ARHGAP24: variants seen among roughly 807,000 people sequenced by gnomAD.
ARHGAP24 encodes the protein Rho GTPase activating protein 24.
In ARHGAP24, 50 loss-of-function variants were observed where a neutral mutation model predicts 76.4. The ratio of observed to expected loss-of-function variants is 0.65; its 90% CI spans 0.52 to 0.83. ARHGAP24 has a LOEUF of 0.83. Among genes scored for constraint, ARHGAP24 ranks in the 40% least tolerant of loss-of-function variants. The pLI is 0.00. For synonymous variants in ARHGAP24, 345 were observed against 323.3 expected, an observed-to-expected ratio of 1.07 and a Z score of -0.72; for missense variants, 930 against 914.2, an observed-to-expected ratio of 1.02 and a Z score of -0.22.
At chr4:85,595,918 A>G (rs1376137123) in intron 2 of ARHGAP24, among the ~76,000 whole-genome samples, 2 of 152,060 alleles carry the variant, frequency 1.3e-5, no homozygotes, top group Non-Finnish European at 2.9e-5. Context: ...TCTAAAAGAT[A>G]ACATAAAAGT....
At chr4:85,826,260 C>T (rs1315002628) in intron 3 of ARHGAP24, among the ~76,000 whole-genome samples, 1 of 152,180 alleles carries the variant, frequency 6.6e-6, no homozygotes, top group Admixed American at 6.5e-5. Context: ...ACTTGGCATT[C>T]CATAGCTAAC....
At chr4:85,927,204 A>T (rs1736067208) in intron 4 of ARHGAP24, among the ~76,000 whole-genome samples, 1 of 152,228 alleles carries the variant, frequency 6.6e-6, no homozygotes, top group Non-Finnish European at 1.5e-5. Flanking sequence ...ATGAAGCTTG[A>T]AAACATTATG....
intron 2 of ARHGAP24, among the ~76,000 whole-genome samples, chr4:85,603,904 A>G (rs1720111547): frequency 6.6e-6 from 1 of 152,154 alleles, no homozygotes; most frequent in South Asian, 2.1e-4. Flanking sequence ...TTATTAGTAC[A>G]GCAGCATATC....
intron 2 of ARHGAP24, 129 bp from the exon 3 acceptor site, chr4:85,721,756 A>G: frequency 1.3e-6 from 1 of 782,818 alleles, no homozygotes; most frequent in Admixed American, 2.2e-5. Context: ...TATTGGGAAT[A>G]TAAAAGATTC....
At chr4:85,725,599 G>A (rs144057686) in intron 3 of ARHGAP24, among the ~76,000 whole-genome samples, 21 of 152,316 alleles carry the variant, frequency 1.4e-4, no homozygotes, top group African/African-American at 3.8e-4. Context: ...CTGACTGGTC[G>A]TTACAGACTT....
At chr4:85,651,812 A>G (rs754875685) in intron 2 of ARHGAP24, among the ~76,000 whole-genome samples, 1 of 151,956 alleles carries the variant, frequency 6.6e-6, no homozygotes, top group Non-Finnish European at 1.5e-5. Flanking sequence ...CTCTTATTAG[A>G]TATGTCATTA....
intron 1 of ARHGAP24, among the ~76,000 whole-genome samples, chr4:85,521,762 A>G (rs551517493): frequency 7.9e-5 from 12 of 152,312 alleles, no homozygotes; most frequent in Non-Finnish European, 1.6e-4. Flanking sequence ...AGCATAGTAC[A>G]TATTCTTTCC....
intron 3 of ARHGAP24, among the ~76,000 whole-genome samples, chr4:85,861,982 C>T (rs1731929893): frequency 6.6e-6 from 1 of 152,030 alleles, no homozygotes; most frequent in Non-Finnish European, 1.5e-5. Context: ...GAATCTGGCT[C>T]TTATTTCTCT....
At chr4:85,534,065 T>C (rs1028278558) in intron 1 of ARHGAP24, among the ~76,000 whole-genome samples, 6 of 152,134 alleles carry the variant, frequency 3.9e-5, no homozygotes, top group African/African-American at 1.4e-4. Context: ...AATGATCTGA[T>C]GTACATGGGC....
chr4:85,602,020 T>C (rs1024715788), intron 2 of ARHGAP24, among the ~76,000 whole-genome samples: 2 of 125,214 alleles, frequency 1.6e-5, no homozygotes, highest in African/African-American at 6.2e-5. Context: ...GAGCAGAGAT[T>C]AGTGAACAGC....
At chr4:85,625,130 C>A (rs1049653320) in intron 2 of ARHGAP24, among the ~76,000 whole-genome samples, 1 of 152,052 alleles carries the variant, frequency 6.6e-6, no homozygotes, top group Non-Finnish European at 1.5e-5. Flanking sequence ...AATGTGTTTG[C>A]TCTTGCTTTT....
intron 1 of ARHGAP24, among the ~76,000 whole-genome samples, chr4:85,556,259 A>C (rs149385961): frequency 6.2e-4 from 94 of 152,258 alleles, no homozygotes; most frequent in African/African-American, 2.2e-3. Context: ...GACTGAGGGC[A>C]TCAGGTACAG....
intron 1 of ARHGAP24, among the ~76,000 whole-genome samples, chr4:85,482,377 G>A (rs1033025535): frequency 2.0e-5 from 3 of 152,084 alleles, no homozygotes; most frequent in African/African-American, 7.2e-5. Context: ...TTTCATCGTG[G>A]GATAACTTTT....
At chr4:85,788,707 A>C (rs1220671517) in intron 3 of ARHGAP24, among the ~76,000 whole-genome samples, 2 of 152,328 alleles carry the variant, frequency 1.3e-5, no homozygotes, top group East Asian at 3.9e-4. Context: ...AAGTGACACA[A>C]AGCAAATGCA....
chr4:85,503,960 T>A (rs1197325959), intron 1 of ARHGAP24, among the ~76,000 whole-genome samples: 1 of 152,212 alleles, frequency 6.6e-6, no homozygotes, highest in African/African-American at 2.4e-5. Context: ...ATTTCTGCCT[T>A]CATTTAGTTA....
Position 86,000,596 on chromosome 4 carries a change from A to C in ARHGAP24, c.2121A>C (p.Ala707=). The stretch of plus-strand genomic sequence containing the variant: ...TAAAAATGCGAAATGCCGAGCGAGC[A>C]AAAGAAGATGCCGAGAAAAGAAATG... ...IEIKMRNAER[A]KEDAEKRNDM... The change falls in exon 10 of 10, where the codon GCA becomes GCC. Residue 707 remains alanine (A), a synonymous_variant. Transcript: ENST00000395184. 6.2e-7 allele frequency: 1 copy of C among 1,614,068 alleles called. No homozygotes were observed. The highest frequency in any genetic ancestry group is 8.5e-7 in the Non-Finnish European group (1 of 1,179,978).
chr4:85,967,238 G>C (rs200876381), intron 5 of ARHGAP24, among the ~76,000 whole-genome samples: 8 of 152,134 alleles, frequency 5.3e-5, no homozygotes, highest in Non-Finnish European at 8.8e-5. Context: ...TATACAGAAA[G>C]TGTTACGAAG....
intron 3 of ARHGAP24, among the ~76,000 whole-genome samples, chr4:85,813,818 T>TTATATATATATATATATA (rs35261368): frequency 1.3e-4 from 18 of 137,136 alleles, no homozygotes; most frequent in African/African-American, 4.7e-4. Flanking sequence ...TATATTTATT[T>TTATATATATATATATATA]TATATATATA....
chr4:85,925,696 G>A (rs921159673), intron 4 of ARHGAP24, among the ~76,000 whole-genome samples: 6 of 152,024 alleles, frequency 3.9e-5, no homozygotes, highest in East Asian at 1.9e-4. Flanking sequence ...GTATGTATAC[G>A]AAAAATATAG....
Sources: allele counts gnomAD v4.1 joint callset (sites outside exome capture counted in the v4.1 genomes callset), GRCh38; gene constraint gnomAD v4.1.1; transcripts MANE v1.5; gene names NCBI Gene and HGNC (gene_info 2026-07-23, HGNC 2026-07-21).